Variants in TRMU observed in about 807,000 individuals in gnomAD.
The protein encoded by TRMU is tRNA mitochondrial 2-thiouridylase.
In TRMU, 49 loss-of-function variants were observed where a neutral mutation model predicts 46.9. The ratio of observed to expected loss-of-function variants is 1.05; its 90% CI spans 0.83 to 1.33. TRMU has a LOEUF of 1.33. Ranked by LOEUF, TRMU falls within the 40% of genes most tolerant of loss-of-function variation. The pLI, the probability that TRMU is intolerant of heterozygous loss-of-function variation, is 0.00. For synonymous variants in TRMU, 241 were observed against 200.9 expected (o/e 1.20, Z -1.69); for missense variants, 572 against 532.4 (o/e 1.07, Z -0.73).
chr22:46,346,354 G>A lies in TRMU; in HGVS notation c.356-68G>A, dbSNP rs2078257089. On this transcript the variant is annotated intron_variant, in intron 3 of 10. Transcript: ENST00000645190. ...GTCTATACTCTTCTTTTGTGCCTTGGTTTATGCTGATCAAGGCCTGCAAGT... is the reference window on the plus strand; with the variant it reads ...GTCTATACTCTTCTTTTGTGCCTTGATTTATGCTGATCAAGGCCTGCAAGT... The A allele has an allele frequency of 2.5e-6, 4 of 1,578,746 alleles. No homozygotes were observed. In the African/African-American group the frequency reaches 4.1e-5, roughly 16 times the overall value.
chr22:46,343,174 T>G, intron 2 of TRMU, 88 bp from the exon 3 acceptor site: 3 of 880,884 alleles, frequency 3.4e-6, no homozygotes, highest in Non-Finnish European at 5.1e-6. Flanking sequence ...AAGGGGAAAT[T>G]ACATTAAACA....
intron 3 of TRMU, among the ~76,000 whole-genome samples, chr22:46,345,763 C>CT (rs561435289): frequency 0.054 from 7,574 of 139,214 alleles, 328 homozygotes; most frequent in African/African-American, 0.11. Context: ...CATTTTGGTT[C>CT]TTTTTTTTTT....
chr22:46,353,894 A>G, intron 8 of TRMU, 27 bp downstream of exon 8: 9 of 1,607,396 alleles, frequency 5.6e-6, no homozygotes, highest in Non-Finnish European at 7.7e-6. Flanking sequence ...CTGAGACAGC[A>G]CTGGGGCTGG....
chr22:46,352,751 C>T (rs370038182), intron 7 of TRMU: 67 of 333,082 alleles, frequency 2.0e-4, no homozygotes, highest in South Asian at 1.2e-3. Context: ...ATCAGGCGTC[C>T]GCGCTGGCCA....
At position 46,338,319 on chromosome 22, in the gene TRMU, A is replaced by C. The variant is rs2078034228; in HGVS notation, c.248+375A>C. On this transcript the variant is annotated intron_variant, in intron 2 of 10. Transcript: ENST00000645190. The surrounding 1 kb of genome is among the most constrained non-coding windows in gnomAD (Gnocchi z 4.5). ...GTCAGCGATTAGGGGATTTCTGAGA[A>C]AGAGGTGATACATGGCCTGTGCCTC... The C allele has an allele frequency of 1.4e-5, 4 of 295,636 alleles. No individual in the cohort carries two copies. The highest frequency in any genetic ancestry group is 7.2e-5 in the South Asian group (2 of 27,868). 18.3% of individuals were successfully genotyped at this position (295,636 alleles called of 1,614,324 possible). A position where few individuals can be genotyped will look rare whatever the true frequency, so the allele number is the denominator to read the frequency against.
At chr22:46,346,903 T>C (rs1164441226) in intron 4 of TRMU, among the ~76,000 whole-genome samples, 1 of 152,258 alleles carries the variant, frequency 6.6e-6, no homozygotes, top group East Asian at 1.9e-4. Flanking sequence ...GGACCTGTAC[T>C]TAGCAACAAG....
At chr22:46,352,440 T>C (rs942509476) in intron 7 of TRMU, 110 bp downstream of exon 7, 3 of 1,381,304 alleles carry the variant, frequency 2.2e-6, no homozygotes, top group African/African-American at 1.4e-5. Context: ...GGCTGGAGAA[T>C]TGTAGAAGGC....
chr22:46,355,831 G>A (rs1002819796), intron 9 of TRMU, 159 bp from the exon 10 acceptor site: 23 of 1,005,342 alleles, frequency 2.3e-5, no homozygotes, highest in South Asian at 5.5e-5. Flanking sequence ...ACACTGCCCC[G>A]CAGTGTCCTG....
In TRMU at chr22:46,342,910, C is replaced by G. The variant is rs2078158138; in HGVS notation, c.249-352C>G. On this transcript the variant is annotated intron_variant, in intron 2 of 10. Coordinates refer to ENST00000645190, the MANE Select transcript of TRMU (RefSeq NM_018006.5). This position sits in a 1 kb window ranked among gnomAD's most constrained non-coding sequence, Gnocchi z 4.7. ...CTAAAGGATTTCATTTCCACTGTCA[C>G]TCAGGCATCTTCTCTTCCTCACCTA... is the stretch of plus-strand genomic sequence containing the variant. Among the ~76,000 whole-genome samples the G allele has an allele frequency of 6.6e-6, 1 of 152,258 alleles. No homozygotes were observed. The highest frequency in any genetic ancestry group is 1.5e-5 in the Non-Finnish European group (1 of 68,050).
chr22:46,335,899 C>G (rs2077961039), intron 1 of TRMU, 53 bp downstream of exon 1: 1 of 1,528,198 alleles, frequency 6.5e-7, no homozygotes, highest in East Asian at 2.5e-5. Flanking sequence ...CCCCGGAAAC[C>G]TGTCCCCGTC....
Position 46,348,557 on chromosome 22 carries a change from T to G in TRMU, c.479-1734T>G, listed in dbSNP as rs1226326400. On this transcript the variant is annotated intron_variant, in intron 4 of 10. Coordinates refer to ENST00000645190, the MANE Select transcript of TRMU (RefSeq NM_018006.5). The surrounding 1 kb of genome is among the most constrained non-coding windows in gnomAD (Gnocchi z 4.8). ...GGCCTGGCCTGTGACTGGGCTGATT[T>G]TCCCCCACACAGCGTGCTACCACCG... 6.6e-6 allele frequency among the ~76,000 whole-genome samples: 1 copy of G among 152,180 alleles called. No homozygotes were observed. The highest frequency in any genetic ancestry group is 1.5e-5 in the Non-Finnish European group (1 of 68,026).
intron 1 of TRMU, 92 bp from the exon 2 acceptor site, chr22:46,337,687 G>A: frequency 6.6e-7 from 1 of 1,522,080 alleles, no homozygotes; most frequent in Non-Finnish European, 9.0e-7. Flanking sequence ...CAGGAGCACA[G>A]CGTGTGGGGA....
rs75417986 is a variant in TRMU at position 46,335,773 on chromosome 22, C to G, written c.9C>G (p.Ala3=). 5.3e-3 allele frequency: 8,154 copies of G among 1,552,408 alleles called. 334 individuals carry two copies. The African/African-American group carries it at 0.093, about 18-fold the overall frequency. Residue 3 remains alanine, a synonymous_variant, in exon 1 of 11, where the codon GCC becomes GCG. Coordinates refer to ENST00000645190, the MANE Select transcript of TRMU (RefSeq NM_018006.5). MQ[A]LRHVVCALSG... ...AGTTGGGCGACTGGCGGATGCAGGC[C>G]TTGCGGCACGTCGTGTGCGCCCTGT...
chr22:46,335,945 G>A, intron 1 of TRMU, 99 bp downstream of exon 1: 2 of 1,492,842 alleles, frequency 1.3e-6, no homozygotes, highest in Non-Finnish European at 8.9e-7. Context: ...CCCTCCCTGG[G>A]CCGCTGGTTG....
chr22:46,355,512 G>T lies in TRMU; in HGVS notation c.942G>T (p.Ala314=), dbSNP rs767891094. 1.1e-5 allele frequency: 17 copies of T among 1,613,242 alleles called. No homozygotes were observed. The South Asian group carries it at 1.6e-4, about 16-fold the overall frequency. ...GGACCAGCCGCGTGCACTGGATTGC[G>T]GAGGAGCCTCCCGCAGCACTGGTCC... ...LLRTSRVHWI[A]EEPPAALVRD... The change falls in exon 9 of 11, where the codon GCG becomes GCT. Residue 314 remains alanine, a synonymous_variant. Transcript: ENST00000645190.
rs1223494350 is a variant in TRMU, at chr22:46,353,589, GTGCTCAGGTGCT to G, written c.773-175_773-164del. ...GCCCAGGCCTGGACAATGATGAGAT[GTGCTCAGGTGCT>G]TGGTCAGGGCTGGCTTTGGTGGTTG... On this transcript the variant is annotated intron_variant, in intron 7 of 10. Coordinates refer to ENST00000645190, the MANE Select transcript of TRMU (RefSeq NM_018006.5). The G allele has an allele frequency of 6.2e-5, 37 of 592,680 alleles. 1 individual carries two copies. In the Admixed American group the frequency reaches 6.5e-4, roughly 10 times the overall value. The allele number at this position is 592,680 out of a possible 1,614,324, so 36.7% of individuals were successfully genotyped here. A position where few individuals can be genotyped will look rare whatever the true frequency, so the allele number is the denominator to read the frequency against.
intron 10 of TRMU, 131 bp from the exon 11 acceptor site, chr22:46,356,711 C>T (rs899635172): frequency 3.7e-5 from 42 of 1,126,468 alleles, no homozygotes; most frequent in Non-Finnish European, 5.0e-5. Context: ...AGCAGCAAAA[C>T]CCTGCTCCCC....
chr22:46,347,605 C>T lies in TRMU; in HGVS notation c.478+1061C>T, dbSNP rs1216675330. ...GCTCAAGCGATCCTCCCACCTCGGC[C>T]TCTCAAAGTGTTGGGATTACAGGTG... On this transcript the variant is annotated intron_variant, in intron 4 of 10. Coordinates refer to ENST00000645190, the MANE Select transcript of TRMU (RefSeq NM_018006.5). This position sits in a 1 kb window ranked among gnomAD's most constrained non-coding sequence, Gnocchi z 5.0. 1 of 152,570 alleles carries T rather than the reference C, an allele frequency of 6.6e-6. No individual in the cohort carries two copies. The highest frequency in any genetic ancestry group is 1.5e-5 in the Non-Finnish European group (1 of 68,248). 9.5% of individuals were successfully genotyped at this position (152,570 alleles called of 1,614,324 possible). A position where few individuals can be genotyped will look rare whatever the true frequency, so the allele number is the denominator to read the frequency against.
chr22:46,344,059 A>G (rs1489558898), intron 3 of TRMU, among the ~76,000 whole-genome samples: 3 of 152,240 alleles, frequency 2.0e-5, no homozygotes, highest in Non-Finnish European at 4.4e-5. Flanking sequence ...AAAATCTTAA[A>G]TTTCAACATT....
Sources: allele counts gnomAD v4.1 joint callset (sites outside exome capture counted in the v4.1 genomes callset), GRCh38; gene constraint gnomAD v4.1.1; non-coding constraint Gnocchi (gnomAD v3.1); transcripts MANE v1.5; gene names NCBI Gene and HGNC (gene_info 2026-07-23, HGNC 2026-07-21).